Variants in NAV3 observed in about 807,000 individuals in gnomAD.
The protein encoded by NAV3 is neuron navigator 3, also known as pore membrane and/or filament interacting like protein 1.
A neutral mutation model predicts 244.7 loss-of-function variants in NAV3; 87 were observed. The observed-to-expected ratio is 0.36, with a 90% CI of 0.30 to 0.42. The LOEUF is 0.42. Ranked by LOEUF, NAV3 falls within the 20% of genes least tolerant of loss-of-function variation. The pLI, the probability that NAV3 is intolerant of heterozygous loss-of-function variation, is 1.00. For missense variants in NAV3, 2,663 were observed against 2,893.3 expected, an observed-to-expected ratio of 0.92 and a Z score of 1.83; for synonymous variants, 1,126 against 1,042.2, an observed-to-expected ratio of 1.08 and a Z score of -1.55.
Position 78,059,121 on chromosome 12 carries a change from G to GCTAT in NAV3, c.2636+8_2636+11dup, listed in dbSNP as rs1346767093. 1.9e-6 allele frequency: 3 copies of GCTAT among 1,609,022 alleles called. No individual in the cohort carries two copies. Among genetic ancestry groups the GCTAT allele is most frequent in the South Asian group, 1.1e-5 (1 of 90,054 alleles). On this transcript the variant is annotated splice_region_variant and intron_variant, in intron 12 of 39. Coordinates refer to ENST00000397909, the MANE Select transcript of NAV3 (RefSeq NM_001024383.2). ...GTGACAGTGGATGCAGACAGGTAAT[G>GCTAT]CTATCAGCATATATGATGGTGAGAC...
intron 2 of NAV3, among the ~76,000 whole-genome samples, chr12:77,795,373 G>A (rs1871359287): frequency 2.0e-5 from 3 of 152,112 alleles, no homozygotes; most frequent in South Asian, 4.1e-4. Context: ...GCAGAGATTG[G>A]TTCATGAGGT....
At chr12:77,944,285 T>C (rs1210484539) in intron 3 of NAV3, among the ~76,000 whole-genome samples, 1 of 152,124 alleles carries the variant, frequency 6.6e-6, no homozygotes, top group Non-Finnish European at 1.5e-5. Context: ...TGGGCTGTGG[T>C]ATGATCCAAT....
intron 7 of NAV3, among the ~76,000 whole-genome samples, chr12:77,998,932 T>G (rs1872788425): frequency 6.6e-6 from 1 of 152,180 alleles, no homozygotes; most frequent in African/African-American, 2.4e-5. Context: ...AAGCAGCAGA[T>G]CCCAGAGATA....
intron 2 of NAV3, among the ~76,000 whole-genome samples, chr12:77,592,744 T>G (rs1869967947): frequency 6.6e-6 from 1 of 152,226 alleles, no homozygotes; most frequent in African/African-American, 2.4e-5. Context: ...TTTGGCTGGA[T>G]GATTTCTTCT....
At position 77,692,744 on chromosome 12, in the gene NAV3, A is replaced by G. The variant is rs562603876; in HGVS notation, c.72+120478A>G. On this transcript the variant is annotated intron_variant, in intron 2 of 8. Transcript: ENST00000550042. ...GCTGTTAGTTTACAAAAGAAATAAT[A>G]GTGTGCAAAAATACCTTTTTTAAAA... 5.6e-4 allele frequency among the ~76,000 whole-genome samples: 85 copies of G among 151,710 alleles called. 2 individuals are homozygous for G. The highest frequency in any genetic ancestry group is 4.1e-4 in the South Asian group (2 of 4,830).
chr12:78,113,872 C>A (rs2138452798), intron 12 of NAV3, among the ~76,000 whole-genome samples: 1 of 152,288 alleles, frequency 6.6e-6, no homozygotes, highest in African/African-American at 2.4e-5. Context: ...TTATGCTCTG[C>A]TTCCCTTTTA....
At position 77,831,209 on chromosome 12, in the gene NAV3, GAGAGAGAGAA is replaced by G; in HGVS notation, c.-243_-234del. On this transcript the variant is annotated 5_prime_UTR_variant, in exon 1 of 40. Coordinates refer to ENST00000397909, the MANE Select transcript of NAV3 (RefSeq NM_001024383.2). ...AGAGAGAGAGACAGAGAGAGAGAGA[GAGAGAGAGAA>G]AGAGAGAGAGAGAGAGAATGAGAAT... The G allele has an allele frequency of 1.7e-5, 5 of 302,460 alleles. No homozygotes were observed. Among genetic ancestry groups the G allele is most frequent in the Admixed American group, 4.8e-5 (1 of 21,028 alleles). The allele number at this position is 302,460 out of a possible 1,614,324, so 18.7% of individuals were successfully genotyped here. A position where few individuals can be genotyped will look rare whatever the true frequency, so the allele number is the denominator to read the frequency against.
At chr12:78,068,841 G>C (rs1478413593) in intron 12 of NAV3, among the ~76,000 whole-genome samples, 1 of 151,372 alleles carries the variant, frequency 6.6e-6, no homozygotes, top group Non-Finnish European at 1.5e-5. Flanking sequence ...AGGAATTTTG[G>C]TCCTTTTATA....
chr12:77,700,355 G>A (rs1164712188), intron 2 of NAV3, among the ~76,000 whole-genome samples: 2 of 152,114 alleles, frequency 1.3e-5, no homozygotes, highest in Non-Finnish European at 2.9e-5. Context: ...GAGTTTGTGA[G>A]CAGTTGGGAG....
chr12:77,578,193 C>T (rs1205768910), intron 2 of NAV3, among the ~76,000 whole-genome samples: 1 of 152,128 alleles, frequency 6.6e-6, no homozygotes, highest in East Asian at 1.9e-4. Flanking sequence ...ATTCTGAGGA[C>T]CAACAGCATC....
intron 7 of NAV3, among the ~76,000 whole-genome samples, chr12:78,004,309 T>C (rs1173296763): frequency 6.6e-6 from 1 of 152,018 alleles, no homozygotes; most frequent in Non-Finnish European, 1.5e-5. Context: ...TTGGTTATGG[T>C]GGAGTTGGCA....
chr12:78,139,328 C>T (rs1363330007), intron 19 of NAV3, among the ~76,000 whole-genome samples: 1 of 152,076 alleles, frequency 6.6e-6, no homozygotes, highest in Non-Finnish European at 1.5e-5. Context: ...AAGCACCTCC[C>T]ATATGTCCTT....
At chr12:78,025,651 G>A (rs189269347) in intron 9 of NAV3, among the ~76,000 whole-genome samples, 189 of 151,564 alleles carry the variant, frequency 1.2e-3, no homozygotes, top group African/African-American at 4.3e-3. Flanking sequence ...GTTGTAGGTG[G>A]GGCCTCATGG....
At chr12:77,798,714 A>G (rs975868721) in intron 2 of NAV3, among the ~76,000 whole-genome samples, 3 of 152,190 alleles carry the variant, frequency 2.0e-5, no homozygotes, top group African/African-American at 7.2e-5. Context: ...ACCTCACATT[A>G]CTATGAGGAG....
chr12:77,709,905 C>T (rs906499767), intron 2 of NAV3, among the ~76,000 whole-genome samples: 1 of 152,152 alleles, frequency 6.6e-6, no homozygotes, highest in Non-Finnish European at 1.5e-5. Flanking sequence ...TCCGCCAGCA[C>T]TGAAGACTGA....
intron 1 of NAV3, among the ~76,000 whole-genome samples, chr12:77,931,564 A>T (rs1053159812): frequency 6.6e-6 from 1 of 152,128 alleles, no homozygotes; most frequent in Non-Finnish European, 1.5e-5. Flanking sequence ...AGCATGAGAC[A>T]ATAAAAATCT....
At chr12:77,946,744 C>A (rs1890385804) in intron 3 of NAV3, among the ~76,000 whole-genome samples, 2 of 152,024 alleles carry the variant, frequency 1.3e-5, no homozygotes, top group Non-Finnish European at 2.9e-5. Flanking sequence ...TTAAAAATAG[C>A]AAAAATATGT....
At chr12:77,727,389 A>G (rs1343456057) in intron 2 of NAV3, among the ~76,000 whole-genome samples, 1 of 152,022 alleles carries the variant, frequency 6.6e-6, no homozygotes, top group African/African-American at 2.4e-5. Context: ...AACAGGAAAA[A>G]GGGAAAAGGT....
chr12:78,134,778 A>G (rs931503397), intron 18 of NAV3, among the ~76,000 whole-genome samples: 2 of 152,188 alleles, frequency 1.3e-5, no homozygotes, highest in African/African-American at 4.8e-5. Flanking sequence ...TAATAATATC[A>G]TAAAAACCCA....
Sources: allele counts gnomAD v4.1 joint callset (sites outside exome capture counted in the v4.1 genomes callset), GRCh38; gene constraint gnomAD v4.1.1; transcripts MANE v1.5; gene names NCBI Gene and HGNC (gene_info 2026-07-23, HGNC 2026-07-21).